AP4E1: variants seen among roughly 807,000 people sequenced by gnomAD.
The protein encoded by AP4E1 is adaptor related protein complex 4 subunit epsilon 1.
A neutral mutation model predicts 128.2 loss-of-function variants in AP4E1; 56 were observed. The observed-to-expected ratio is 0.44, with a 90% CI of 0.35 to 0.55. The LOEUF (loss-of-function observed/expected upper bound fraction) is 0.55. Ranked by LOEUF, AP4E1 falls within the 20% of genes least tolerant of loss-of-function variation. AP4E1 has a pLI of 0.00. For missense variants in AP4E1, 1,324 were observed against 1,307.7 expected, an observed-to-expected ratio of 1.01 and a Z score of -0.19; for synonymous variants, 484 against 473.1, an observed-to-expected ratio of 1.02 and a Z score of -0.30.
chr15:50,910,737 C>A (rs572102922), intron 1 of AP4E1, among the ~76,000 whole-genome samples: 1 of 152,226 alleles, frequency 6.6e-6, no homozygotes, highest in Non-Finnish European at 1.5e-5. Flanking sequence ...CTCACTGCAA[C>A]TTCTGCTTCC....
rs373684336 is a variant in AP4E1, at chr15:50,908,845, G to C, written c.67G>C (p.Gly23Arg). The C allele has an allele frequency of 3.0e-5, 49 of 1,608,588 alleles. No homozygotes were observed. Among genetic ancestry groups the C allele is most frequent in the Non-Finnish European group, 4.1e-5 (48 of 1,178,560 alleles). ...ACTCTTTCTGCAGAACCAGCCCGGT[G>C]GTGGGCCCGCGGCCGCCAAGGCGTC... ...PGLFLQNQPGGGPAAAKASFS... is the reference protein window; with the variant it reads ...PGLFLQNQPGRGPAAAKASFS... The change falls in exon 1 of 21, where the codon GGT (glycine) becomes CGT (arginine). Residue 23 changes from glycine (G) to arginine (R), a missense_variant. Physicochemically the swap from Gly to Arg is moderately radical, Grantham distance 125. Transcript: ENST00000261842.
chr15:50,907,830 C>T (rs534336992), upstream of AP4E1, among the ~76,000 whole-genome samples: 2 of 152,272 alleles, frequency 1.3e-5, no homozygotes, highest in South Asian at 2.1e-4. Context: ...GACCACATTT[C>T]GAGAGCCATT....
chr15:50,996,066 G>A (rs2064867716), intron 17 of AP4E1, among the ~76,000 whole-genome samples: 2 of 131,632 alleles, frequency 1.5e-5, no homozygotes, highest in Admixed American at 9.2e-5. Context: ...TCAGCTTACT[G>A]CAACCTCTGC....
intron 11 of AP4E1, 128 bp from the exon 12 acceptor site, chr15:50,949,698 A>G (rs2064117813): frequency 1.4e-6 from 1 of 732,856 alleles, no homozygotes; most frequent in Non-Finnish European, 2.4e-6. Flanking sequence ...AGAACAATTT[A>G]TGGCAGAGGT....
At position 50,950,292 on chromosome 15, in the gene AP4E1, A is replaced by T. The variant is rs930897200; in HGVS notation, c.1548+123A>T. The T allele has an allele frequency of 2.3e-5, 15 of 650,614 alleles. No individual in the cohort carries two copies. The East Asian group carries it at 4.2e-4, about 18-fold the overall frequency. 40.3% of individuals were successfully genotyped at this position (650,614 alleles called of 1,614,324 possible). On this transcript the variant is annotated intron_variant, in intron 13 of 20. Coordinates refer to ENST00000261842, the MANE Select transcript of AP4E1 (RefSeq NM_007347.5). ...AACTCCTTCAGCTGTCAATTTTTCA[A>T]ATGGCCACCATCTATCACTTAACTA...
upstream of AP4E1, among the ~76,000 whole-genome samples, chr15:50,908,196 C>G (rs942260466): frequency 2.6e-5 from 4 of 152,146 alleles, no homozygotes; most frequent in African/African-American, 9.7e-5. Flanking sequence ...ACGCCGAATC[C>G]TCAGGACAGC....
chr15:50,935,982 G>A (rs1410961388), intron 8 of AP4E1, among the ~76,000 whole-genome samples: 1 of 152,190 alleles, frequency 6.6e-6, no homozygotes, highest in Non-Finnish European at 1.5e-5. Context: ...TTTATAGAGT[G>A]CCTGTGAAAC....
Position 51,003,291 on chromosome 15 carries a change from TG to T in AP4E1, c.*630del, listed in dbSNP as rs1174909859. On this transcript the variant is annotated 3_prime_UTR_variant, in exon 21 of 21. Coordinates refer to ENST00000261842, the MANE Select transcript of AP4E1 (RefSeq NM_007347.5). ...TACACATAATTTCAGATCGTTTGGC[TG>T]TAAAATTTGTCTGTTTTCCACTTGG... is the stretch of plus-strand genomic sequence containing the variant. The T allele has an allele frequency of 2.0e-5, 3 of 152,714 alleles. No individual in the cohort carries two copies. Among genetic ancestry groups the T allele is most frequent in the African/African-American group, 7.2e-5 (3 of 41,470 alleles). 9.5% of individuals were successfully genotyped at this position (152,714 alleles called of 1,614,324 possible).
chr15:50,979,555 C>G (rs2064608706), intron 15 of AP4E1, among the ~76,000 whole-genome samples: 1 of 152,070 alleles, frequency 6.6e-6, no homozygotes, highest in Non-Finnish European at 1.5e-5. Context: ...GGCGGAGTTT[C>G]ACTCTGTCAC....
chr15:50,935,794 C>G (rs2063901063), intron 8 of AP4E1, among the ~76,000 whole-genome samples: 1 of 152,036 alleles, frequency 6.6e-6, no homozygotes, highest in Non-Finnish European at 1.5e-5. Context: ...ATAAAAAGTG[C>G]CTGACAAAGA....
In AP4E1 at chr15:50,950,109, C is replaced by A; in HGVS notation, c.1488C>A (p.Leu496=). ...GACTCTATGCAGTTCAGTCTTATCT[C>A]ACTTTACTGGATATGGAAAATGTGT... ...QLRLYAVQSY[L]TLLDMENVFY... Residue 496 remains leucine (L), a synonymous_variant, in exon 13 of 21, where the codon CTC becomes CTA. Coordinates refer to ENST00000261842, the MANE Select transcript of AP4E1 (RefSeq NM_007347.5). 1 of 1,613,506 alleles carries A rather than the reference C, an allele frequency of 6.2e-7. No individual in the cohort carries two copies. The highest frequency in any genetic ancestry group is 1.1e-5 in the South Asian group (1 of 91,054).
At chr15:50,917,589 ATATT>A (rs1414027798) in intron 3 of AP4E1, among the ~76,000 whole-genome samples, 41 of 152,222 alleles carry the variant, frequency 2.7e-4, no homozygotes, top group Admixed American at 2.6e-3. Context: ...AGTAGGAAAA[ATATT>A]TATGAACAGA....
At chr15:50,925,921 G>A (rs1478903518) in intron 5 of AP4E1, among the ~76,000 whole-genome samples, 5 of 151,182 alleles carry the variant, frequency 3.3e-5, no homozygotes, top group East Asian at 2.0e-4. Flanking sequence ...CACCATGCCC[G>A]GCCCGGGAAG....
chr15:50,957,700 G>A (rs62018163), intron 13 of AP4E1, among the ~76,000 whole-genome samples: 21,023 of 127,476 alleles, frequency 0.16, 1,898 homozygotes, highest in African/African-American at 0.23. Flanking sequence ...TTTTTGAGAC[G>A]GAGTCTTGTT....
chr15:50,976,005 C>T (rs1198561014), intron 15 of AP4E1, among the ~76,000 whole-genome samples: 2 of 151,878 alleles, frequency 1.3e-5, no homozygotes, highest in East Asian at 3.9e-4. Context: ...TTCTTTTCAA[C>T]CTCTTCCAAA....
At chr15:50,921,526 C>T (rs1335207065) in intron 3 of AP4E1, among the ~76,000 whole-genome samples, 2 of 151,452 alleles carry the variant, frequency 1.3e-5, no homozygotes, top group African/African-American at 4.9e-5. Context: ...TTTTTGTGTT[C>T]TTAATAGAGG....
Position 51,001,137 on chromosome 15 carries a change from A to G in AP4E1, c.3207A>G (p.Leu1069=), listed in dbSNP as rs770321806. The change falls in exon 20 of 21, where the codon CTA becomes CTG. Residue 1069 remains leucine (L), a synonymous_variant. Coordinates refer to ENST00000261842, the MANE Select transcript of AP4E1 (RefSeq NM_007347.5). ...SESQAALPSA[L]KTLQQKLRLH... ...CTCAAGCTGCACTTCCTTCTGCACT[A>G]AAGACTCTGCAACAGAAACTAAGAC... The G allele has an allele frequency of 6.2e-7, 1 of 1,613,576 alleles. No homozygotes were observed. Among genetic ancestry groups the G allele is most frequent in the African/African-American group, 1.3e-5 (1 of 74,922 alleles).
At chr15:50,975,070 G>A (rs553022975) in intron 15 of AP4E1, among the ~76,000 whole-genome samples, 17 of 152,072 alleles carry the variant, frequency 1.1e-4, no homozygotes, top group African/African-American at 3.9e-4. Context: ...TGTATTTTTG[G>A]TGTCATATCC....
Position 50,930,835 on chromosome 15 carries a change from G to A in AP4E1, c.733G>A (p.Gly245Arg), listed in dbSNP as rs2063825766. The A allele has an allele frequency of 6.2e-7, 1 of 1,613,954 alleles. No individual in the cohort carries two copies. The highest frequency in any genetic ancestry group is 1.3e-5 in the African/African-American group (1 of 74,888). The change falls in exon 7 of 21, where the codon GGG becomes AGG. Residue 245 changes from glycine (G) to arginine (R), a missense_variant. By Grantham distance (125) the Gly-to-Arg change is moderately radical (BLOSUM62 -2). Coordinates refer to ENST00000261842, the MANE Select transcript of AP4E1 (RefSeq NM_007347.5). ...ENSSGYKDLT[G>R]SFVTILKQVV... The stretch of plus-strand genomic sequence containing the variant: ...TTCATCTGGATATAAAGACTTGACT[G>A]GGAGTTTTGTAACCATTTTGAAGCA...
Sources: allele counts gnomAD v4.1 joint callset (sites outside exome capture counted in the v4.1 genomes callset), GRCh38; gene constraint gnomAD v4.1.1; transcripts MANE v1.5; gene names NCBI Gene and HGNC (gene_info 2026-07-23, HGNC 2026-07-21).